The following PTPRD variants were observed in gnomAD, a reference collection of about 807,000 sequenced individuals.
PTPRD encodes the protein protein tyrosine phosphatase receptor type D.
Under a neutral mutation model 214.5 loss-of-function variants are expected in PTPRD, and 34 were observed. The ratio of observed to expected loss-of-function variants is 0.16; its 90% confidence interval spans 0.12 to 0.21. The LOEUF (loss-of-function observed/expected upper bound fraction) is 0.21, where lower values mean the gene tolerates loss of function less well. Among genes scored for constraint, PTPRD ranks in the 10% least tolerant of loss-of-function variants. PTPRD has a pLI of 1.00. For missense variants in PTPRD, 2,545 were observed against 2,398.7 expected (o/e 1.06, Z -1.27); for synonymous variants, 1,128 against 845.7 (o/e 1.33, Z -5.79).
At chr9:9,043,260 G>C (rs1354610990) in intron 10 of PTPRD, among the ~76,000 whole-genome samples, 1 of 152,070 alleles carries the variant, frequency 6.6e-6, no homozygotes, top group Non-Finnish European at 1.5e-5. Context: ...AAGAAGTTTT[G>C]ATTAACATCT....
chr9:9,923,605 C>G (rs2083287630), intron 5 of PTPRD, among the ~76,000 whole-genome samples: 1 of 151,774 alleles, frequency 6.6e-6, no homozygotes, highest in South Asian at 2.1e-4. Context: ...AAAAGTAAAA[C>G]AAGTCATCTA....
At chr9:9,005,064 T>C (rs757759151) in intron 11 of PTPRD, among the ~76,000 whole-genome samples, 9 of 152,094 alleles carry the variant, frequency 5.9e-5, no homozygotes, top group African/African-American at 9.7e-5. Flanking sequence ...CTCTAGTGCA[T>C]ATATTTTGAA....
intron 11 of PTPRD, among the ~76,000 whole-genome samples, chr9:8,849,150 T>C (rs2097763584): frequency 6.6e-6 from 1 of 151,488 alleles, no homozygotes; most frequent in African/African-American, 2.4e-5. Context: ...ATGGTTTCAA[T>C]TCTACTCAAC....
chr9:10,094,152 T>A lies in PTPRD; in HGVS notation c.-544-60362A>T, dbSNP rs151166483. ...AAGCTTCCAGAATTGTAGGATTAGCTGACCGCTGTCTTGGTTTTAATATTT... is the reference window on the plus strand; with the variant it reads ...AAGCTTCCAGAATTGTAGGATTAGCAGACCGCTGTCTTGGTTTTAATATTT... On this transcript the variant is annotated intron_variant, in intron 3 of 45. Coordinates refer to ENST00000381196, the MANE Select transcript of PTPRD (RefSeq NM_002839.4). Among the ~76,000 whole-genome samples, 684 of 151,640 alleles carry A rather than the reference T, an allele frequency of 4.5e-3. 6 individuals are homozygous for A. The highest frequency in any genetic ancestry group is 0.015 in the African/African-American group (622 of 41,488).
chr9:8,715,295 C>G (rs912037269), intron 12 of PTPRD, among the ~76,000 whole-genome samples: 1 of 152,174 alleles, frequency 6.6e-6, no homozygotes, highest in African/African-American at 2.4e-5. Context: ...TCACACAACA[C>G]ATAACAACTG....
chr9:8,353,838 A>ATGTGTATATGTGTATATATGTATATATG (rs756242146), intron 39 of PTPRD, among the ~76,000 whole-genome samples: 2 of 46,660 alleles, frequency 4.3e-5, no homozygotes, highest in African/African-American at 1.2e-4. Flanking sequence ...ATATGTATAT[A>ATGTGTATATGTGTATATATGTATATATG]TGTATATATG....
intron 2 of PTPRD, among the ~76,000 whole-genome samples, chr9:10,492,632 G>T (rs879259438): frequency 1.3e-5 from 2 of 152,112 alleles, no homozygotes; most frequent in Non-Finnish European, 2.9e-5. Context: ...CAGACGGATA[G>T]ATGGCAAAAA....
intron 9 of PTPRD, among the ~76,000 whole-genome samples, chr9:9,323,202 C>G (rs1273596552): frequency 6.6e-6 from 1 of 151,974 alleles, no homozygotes; most frequent in African/African-American, 2.4e-5. Context: ...AATCATTACT[C>G]TGTATTTTAT....
intron 5 of PTPRD, among the ~76,000 whole-genome samples, chr9:9,840,482 T>C (rs933959040): frequency 6.6e-6 from 1 of 152,080 alleles, no homozygotes; most frequent in Non-Finnish European, 1.5e-5. Context: ...ATTTGCCTAA[T>C]AATGGCATGC....
intron 11 of PTPRD, among the ~76,000 whole-genome samples, chr9:8,772,909 T>C (rs2095297167): frequency 6.6e-6 from 1 of 152,196 alleles, no homozygotes; most frequent in African/African-American, 2.4e-5. Context: ...TTGGAAACAT[T>C]TTGATAACTT....
chr9:8,850,111 A>T (rs2097782907), intron 11 of PTPRD, among the ~76,000 whole-genome samples: 1 of 152,168 alleles, frequency 6.6e-6, no homozygotes, highest in Non-Finnish European at 1.5e-5. Flanking sequence ...GAAAAGAGAA[A>T]TAGATATGGA....
intron 11 of PTPRD, among the ~76,000 whole-genome samples, chr9:8,864,918 T>C (rs1275621258): frequency 6.6e-6 from 1 of 152,238 alleles, no homozygotes; most frequent in Non-Finnish European, 1.5e-5. Context: ...TGTCTTACAC[T>C]TGTATTAAAA....
At chr9:9,205,314 T>C (rs1410229823) in intron 9 of PTPRD, among the ~76,000 whole-genome samples, 1 of 152,184 alleles carries the variant, frequency 6.6e-6, no homozygotes, top group Non-Finnish European at 1.5e-5. Context: ...TATAATACTG[T>C]AAATATGAAC....
intron 10 of PTPRD, among the ~76,000 whole-genome samples, chr9:9,147,596 T>C (rs2099870860): frequency 6.6e-6 from 1 of 152,148 alleles, no homozygotes; most frequent in African/African-American, 2.4e-5. Context: ...TGAATAAAGC[T>C]TTCTTGGAAC....
At chr9:9,915,332 A>G (rs918223654) in intron 5 of PTPRD, among the ~76,000 whole-genome samples, 1 of 152,106 alleles carries the variant, frequency 6.6e-6, no homozygotes, top group Non-Finnish European at 1.5e-5. Context: ...TAAAAAACAA[A>G]GGAAACATGA....
chr9:9,154,261 T>G (rs2099879314), intron 10 of PTPRD, among the ~76,000 whole-genome samples: 1 of 152,202 alleles, frequency 6.6e-6, no homozygotes, highest in Non-Finnish European at 1.5e-5. Flanking sequence ...TCTGTGGTTG[T>G]TTGTTACCGT....
At chr9:9,255,785 C>T (rs2099977453) in intron 9 of PTPRD, among the ~76,000 whole-genome samples, 1 of 151,996 alleles carries the variant, frequency 6.6e-6, no homozygotes, top group African/African-American at 2.4e-5. Flanking sequence ...TCCACAAGAT[C>T]CGGGACTTTT....
intron 43 of PTPRD, among the ~76,000 whole-genome samples, chr9:8,337,601 G>C (rs1449238623): frequency 6.6e-6 from 1 of 151,402 alleles, no homozygotes; most frequent in African/African-American, 2.4e-5. Flanking sequence ...TTACACTCCA[G>C]GAGCACAGAC....
chr9:9,564,628 C>T (rs979132179), intron 8 of PTPRD, among the ~76,000 whole-genome samples: 55 of 151,928 alleles, frequency 3.6e-4, no homozygotes, highest in African/African-American at 1.2e-3. Context: ...CCAAAATCTT[C>T]GAATCCTGGG....
Sources: gnomAD v4.1 joint callset for allele counts (sites outside exome capture counted in the v4.1 genomes callset) on GRCh38, gnomAD v4.1.1 for gene constraint, MANE v1.5 for transcripts, NCBI Gene and HGNC (gene_info 2026-07-23, HGNC 2026-07-21) for gene names.